Variants in FBP2 observed in about 807,000 individuals in gnomAD.
FBP2 encodes the protein fructose-1,6-bisphosphatase isozyme 2.
Under a neutral mutation model 31.6 loss-of-function variants are expected in FBP2, and 27 were observed. That is an observed-to-expected ratio of 0.85 (90% CI 0.63 to 1.18). The LOEUF (loss-of-function observed/expected upper bound fraction) is 1.18. FBP2 is among the 50% of genes most tolerant of loss of function. The probability of loss-of-function intolerance (pLI) is 0.00; values close to 1 mark genes in which losing one functional copy is unlikely to be tolerated. For missense variants in FBP2, 421 were observed against 436.1 expected (o/e 0.97, Z 0.31); for synonymous variants, 168 against 179.8 (o/e 0.93, Z 0.53).
chr9:94,559,518 G>T (rs1343946316), intron 6 of FBP2, among the ~76,000 whole-genome samples: 2 of 149,616 alleles, frequency 1.3e-5, no homozygotes, highest in Non-Finnish European at 2.9e-5. Flanking sequence ...CTCAAGGCTG[G>T]TAAAGAGTCA....
rs1212151716 is a variant in FBP2, at chr9:94,567,325, G to T, written c.650C>A (p.Ala217Asp). Residue 217 changes from alanine to aspartate, a missense_variant, in exon 5 of 7, where the codon GCC becomes GAC. By Grantham distance (126) the Ala-to-Asp change is moderately radical. Transcript: ENST00000375337. The part of the protein sequence containing the change: ...GKIYSLNEGY[A>D]KYFDAATTEY... The stretch of plus-strand genomic sequence containing the variant: ...AGTGGTGGCCGCATCAAAATACTTG[G>T]CATAGCCCTCATTCAGGCTGTAAAT... 4 of 1,614,104 alleles carry T rather than the reference G, an allele frequency of 2.5e-6. No homozygotes were observed. The highest frequency in any genetic ancestry group is 3.4e-6 in the Non-Finnish European group (4 of 1,180,004).
intron 2 of FBP2, 45 bp downstream of exon 2, chr9:94,587,262 T>G: frequency 6.5e-7 from 1 of 1,545,670 alleles, no homozygotes; most frequent in Non-Finnish European, 8.7e-7. Context: ...TCCGGCTCAG[T>G]ATCATCATCT....
At chr9:94,590,554 C>A (rs550201649) in intron 1 of FBP2, among the ~76,000 whole-genome samples, 1 of 152,068 alleles carries the variant, frequency 6.6e-6, no homozygotes, top group Admixed American at 6.5e-5. Context: ...CTTAAGGTGG[C>A]GCATCTGGAG....
rs150143551 is a variant in FBP2, at chr9:94,565,356, A to C, written c.706-1895T>G. ...TGCCACTTCAGCCTGGAGACAGAGCAAGACTCCACCTCAAAAAAAAAAAAA... is the reference window on the plus strand; with the variant it reads ...TGCCACTTCAGCCTGGAGACAGAGCCAGACTCCACCTCAAAAAAAAAAAAA... On this transcript the variant is annotated intron_variant, in intron 5 of 6. Coordinates refer to ENST00000375337, the MANE Select transcript of FBP2 (RefSeq NM_003837.4). 2.4e-3 allele frequency among the ~76,000 whole-genome samples: 312 copies of C among 129,160 alleles called. 1 individual carries two copies. The highest frequency in any genetic ancestry group is 9.6e-3 in the African/African-American group (298 of 31,000). 84.7% of individuals were successfully genotyped at this position (129,160 alleles called of 152,430 possible). A position where few individuals can be genotyped will look rare whatever the true frequency, so the allele number is the denominator to read the frequency against.
At chr9:94,583,929 C>T (rs1024431714) in intron 3 of FBP2, among the ~76,000 whole-genome samples, 13 of 152,206 alleles carry the variant, frequency 8.5e-5, no homozygotes, top group African/African-American at 1.2e-4. Context: ...ATTTTATTGC[C>T]GTTGTACACT....
At chr9:94,583,905 C>T (rs886611522) in intron 3 of FBP2, among the ~76,000 whole-genome samples, 11 of 152,136 alleles carry the variant, frequency 7.2e-5, no homozygotes, top group African/African-American at 2.7e-4. Context: ...CCGCAGCTGG[C>T]GAGGTTGCTA....
At chr9:94,585,353 A>C (rs1325794082) in intron 2 of FBP2, among the ~76,000 whole-genome samples, 2 of 152,214 alleles carry the variant, frequency 1.3e-5, no homozygotes. Flanking sequence ...GCTGGGAAGT[A>C]AGTGTTCAAG....
At chr9:94,565,835 G>A (rs1429455167) in intron 5 of FBP2, among the ~76,000 whole-genome samples, 1 of 152,166 alleles carries the variant, frequency 6.6e-6, no homozygotes. Flanking sequence ...AGGAGGGAGG[G>A]ATAACTATAG....
chr9:94,566,051 A>G (rs12684837), intron 5 of FBP2, among the ~76,000 whole-genome samples: 12,842 of 152,314 alleles, frequency 0.084, 1,035 homozygotes, highest in African/African-American at 0.2. Context: ...TCTCCACCAC[A>G]TGAATGCTCC....
intron 3 of FBP2, among the ~76,000 whole-genome samples, chr9:94,575,085 TC>T (rs1207106117): frequency 1.3e-5 from 2 of 152,206 alleles, no homozygotes; most frequent in Admixed American, 6.5e-5. Flanking sequence ...TGGACTTTTT[TC>T]CTTTTTGTTG....
At chr9:94,586,307 A>G (rs1358783182) in intron 2 of FBP2, among the ~76,000 whole-genome samples, 1 of 152,140 alleles carries the variant, frequency 6.6e-6, no homozygotes, top group East Asian at 1.9e-4. Flanking sequence ...CCCGGGAGGC[A>G]GAGGTTACAG....
At chr9:94,561,523 T>C (rs1215984025) in intron 6 of FBP2, among the ~76,000 whole-genome samples, 2 of 152,002 alleles carry the variant, frequency 1.3e-5, no homozygotes, top group East Asian at 1.9e-4. Flanking sequence ...CCACCACGCC[T>C]GGCTAATTAT....
intron 3 of FBP2, among the ~76,000 whole-genome samples, chr9:94,579,170 G>C (rs1284114154): frequency 6.8e-6 from 1 of 147,950 alleles, no homozygotes. Flanking sequence ...AGGCCAAGGC[G>C]GGCAGATAAC....
At chr9:94,593,194 TAA>T in intron 1 of FBP2, among the ~76,000 whole-genome samples, 1 of 152,288 alleles carries the variant, frequency 6.6e-6, no homozygotes, top group South Asian at 2.1e-4. Flanking sequence ...GCAAGAGGCA[TAA>T]AGAGATATTT....
intron 4 of FBP2, chr9:94,567,983 CCGGGCGTGGTGGTGGG>C (rs1827217029): frequency 6.6e-6 from 1 of 152,156 alleles, no homozygotes; most frequent in South Asian, 2.1e-4. Context: ...AAAAAATTGG[CCGGGCGTGGTGGTGGG>C]CACCTGTAGT....
chr9:94,591,326 C>T (rs574550234), intron 1 of FBP2, among the ~76,000 whole-genome samples: 302 of 152,344 alleles, frequency 2.0e-3, no homozygotes, highest in Middle Eastern at 6.8e-3. Context: ...AAATCGAGCG[C>T]AGCGCCAGTG....
chr9:94,565,110 A>T (rs1412174215), intron 5 of FBP2, among the ~76,000 whole-genome samples: 2 of 152,178 alleles, frequency 1.3e-5, no homozygotes, highest in Non-Finnish European at 2.9e-5. Context: ...ATGGTGGTTC[A>T]CGCCTGTAAT....
chr9:94,561,395 C>T (rs1242927499), intron 6 of FBP2, among the ~76,000 whole-genome samples: 1 of 111,414 alleles, frequency 9.0e-6, no homozygotes, highest in Non-Finnish European at 1.7e-5. Flanking sequence ...TGGAATCTCA[C>T]TCTGTCACCC....
chr9:94,579,255 G>A (rs1160333215), intron 3 of FBP2, among the ~76,000 whole-genome samples: 8 of 149,790 alleles, frequency 5.3e-5, no homozygotes, highest in South Asian at 4.2e-4. Flanking sequence ...AAAATTAGCC[G>A]GGCGTGGTGC....
Sources: gnomAD v4.1 joint callset for allele counts (sites outside exome capture counted in the v4.1 genomes callset) on GRCh38, gnomAD v4.1.1 for gene constraint, MANE v1.5 for transcripts, NCBI Gene and HGNC (gene_info 2026-07-23, HGNC 2026-07-21) for gene names.